Variants in RANBP17 observed in about 807,000 individuals in gnomAD.
The protein encoded by RANBP17 is ran-binding protein 17.
RANBP17 carries 158 observed loss-of-function variants against 141.2 expected under a neutral mutation model. The observed-to-expected ratio is 1.12, with a 90% CI of 0.98 to 1.28. The LOEUF is 1.28. Ranked by LOEUF, RANBP17 falls within the 50% of genes most tolerant of loss-of-function variation. RANBP17 has a pLI of 0.00. For missense variants in RANBP17, 1,438 were observed against 1,290.7 expected (o/e 1.11, Z -1.75); for synonymous variants, 430 against 450.0 (o/e 0.96, Z 0.56).
chr5:171,191,006 A>C (rs747077140), intron 18 of RANBP17, among the ~76,000 whole-genome samples: 8 of 152,208 alleles, frequency 5.3e-5, no homozygotes, highest in Non-Finnish European at 1.0e-4. Context: ...AACTCTAAGA[A>C]ACAGTCATAT....
chr5:171,208,352 G>A (rs1762692049), intron 20 of RANBP17, among the ~76,000 whole-genome samples: 1 of 152,138 alleles, frequency 6.6e-6, no homozygotes, highest in South Asian at 2.1e-4. Context: ...CTTGATAAAT[G>A]GTTTCCAGGG....
chr5:171,035,960 C>T (rs778584875), intron 14 of RANBP17, among the ~76,000 whole-genome samples: 11 of 151,900 alleles, frequency 7.2e-5, no homozygotes, highest in Non-Finnish European at 1.5e-4. Flanking sequence ...GTGTTGTGAT[C>T]TCAGCTTACT....
chr5:171,196,646 A>C (rs1761997669), intron 18 of RANBP17, among the ~76,000 whole-genome samples: 1 of 152,062 alleles, frequency 6.6e-6, no homozygotes, highest in South Asian at 2.1e-4. Context: ...GGATGGGGCG[A>C]GGGGGTGGTT....
At chr5:170,988,263 C>T (rs187305746) in intron 14 of RANBP17, among the ~76,000 whole-genome samples, 6 of 149,500 alleles carry the variant, frequency 4.0e-5, no homozygotes, top group African/African-American at 1.2e-4. Context: ...GGATTGTTCT[C>T]GAGTAATTAT....
rs181000044 is a variant in RANBP17, at chr5:171,299,130, G to A, written c.*272G>A. ...TGTTCTCCTAATGCTCTGAAAGGATGTAGAAACAATATTTAACCAAAGAAC... is the reference window on the plus strand; with the variant it reads ...TGTTCTCCTAATGCTCTGAAAGGATATAGAAACAATATTTAACCAAAGAAC... On this transcript the variant is annotated 3_prime_UTR_variant, in exon 28 of 28. Transcript: ENST00000523189. The A allele has an allele frequency of 8.9e-6, 3 of 338,482 alleles. No homozygotes were observed. The Admixed American group carries it at 1.3e-4, about 15-fold the overall frequency. The allele number at this position is 338,482 out of a possible 1,614,324, so 21.0% of individuals were successfully genotyped here.
chr5:170,866,032 G>A (rs1767229260), intron 1 of RANBP17, among the ~76,000 whole-genome samples: 1 of 152,136 alleles, frequency 6.6e-6, no homozygotes, highest in African/African-American at 2.4e-5. Flanking sequence ...TGGGGCTTCA[G>A]TTCTTAGGTA....
At chr5:171,186,306 A>C (rs1241130692) in intron 18 of RANBP17, among the ~76,000 whole-genome samples, 1 of 152,152 alleles carries the variant, frequency 6.6e-6, no homozygotes, top group East Asian at 1.9e-4. Context: ...CTAGATCTTC[A>C]GTATAACTCA....
At chr5:171,100,452 T>A (rs1188097070) in intron 14 of RANBP17, among the ~76,000 whole-genome samples, 1 of 152,200 alleles carries the variant, frequency 6.6e-6, no homozygotes, top group African/African-American at 2.4e-5. Flanking sequence ...TGATATCCCC[T>A]TTATCATTTT....
intron 14 of RANBP17, among the ~76,000 whole-genome samples, chr5:171,082,386 G>A (rs927962408): frequency 1.3e-5 from 2 of 152,136 alleles, no homozygotes; most frequent in Non-Finnish European, 1.5e-5. Context: ...TGATCAGTTC[G>A]AATAGGTAAT....
In RANBP17 at chr5:170,914,153, AT is replaced by A. The variant is rs747785311; in HGVS notation, c.761-6del. ...TTGAAAGTAATGGTGTTAGAAAATA[AT>A]TTTTTTTCCCAGTTTTCCTGGAACC... On this transcript the variant is annotated splice_polypyrimidine_tract_variant and intron_variant, in intron 7 of 27. Coordinates refer to ENST00000523189, the MANE Select transcript of RANBP17 (RefSeq NM_022897.5). 31 of 1,554,726 alleles carry A rather than the reference AT, an allele frequency of 2.0e-5. No homozygotes were observed. Among genetic ancestry groups the A allele is most frequent in the Non-Finnish European group, 2.5e-5 (28 of 1,127,766 alleles).
intron 14 of RANBP17, among the ~76,000 whole-genome samples, chr5:171,067,817 CTTTT>C (rs1362957441): frequency 1.3e-5 from 2 of 151,968 alleles, no homozygotes; most frequent in Admixed American, 1.3e-4. Flanking sequence ...TGAAGATTTT[CTTTT>C]TATTTCAGCA....
At chr5:171,277,149 A>G (rs1767539064) in intron 25 of RANBP17, among the ~76,000 whole-genome samples, 1 of 152,016 alleles carries the variant, frequency 6.6e-6, no homozygotes, top group Admixed American at 6.6e-5. Flanking sequence ...CATAACACAG[A>G]TAGCAGCATT....
intron 22 of RANBP17, among the ~76,000 whole-genome samples, chr5:171,231,387 T>A (rs982822102): frequency 3.9e-5 from 6 of 152,136 alleles, no homozygotes; most frequent in African/African-American, 1.2e-4. Context: ...AGTATACCAG[T>A]TCTTGGGAAT....
intron 14 of RANBP17, among the ~76,000 whole-genome samples, chr5:171,088,929 T>A (rs1785940632): frequency 6.6e-6 from 1 of 151,842 alleles, no homozygotes; most frequent in African/African-American, 2.4e-5. Flanking sequence ...TAGCTCAGAG[T>A]AATTTGATCG....
chr5:171,261,160 A>C (rs1766306591), intron 24 of RANBP17, among the ~76,000 whole-genome samples: 1 of 142,750 alleles, frequency 7.0e-6, no homozygotes, highest in South Asian at 2.4e-4. Flanking sequence ...TAATGGATTG[A>C]AACAGCCAGG....
intron 14 of RANBP17, among the ~76,000 whole-genome samples, chr5:171,154,817 G>T (rs148113937): frequency 0.055 from 8,376 of 151,888 alleles, 281 homozygotes; most frequent in East Asian, 0.12. Context: ...GCTCACGCCT[G>T]TAATCCCTAC....
At chr5:171,039,244 GGTT>G (rs755626211) in intron 14 of RANBP17, among the ~76,000 whole-genome samples, 18 of 90,216 alleles carry the variant, frequency 2.0e-4, no homozygotes, top group Non-Finnish European at 2.0e-4. Flanking sequence ...TTCTGTTGTT[GGTT>G]TTTTTTTTTT....
At chr5:171,268,149 G>A (rs1047860030) in intron 25 of RANBP17, among the ~76,000 whole-genome samples, 8 of 152,254 alleles carry the variant, frequency 5.3e-5, no homozygotes, top group Non-Finnish European at 8.8e-5. Context: ...TAAGATTCAC[G>A]AGATATAATT....
At position 171,293,952 on chromosome 5, in the gene RANBP17, C is replaced by G; in HGVS notation, c.3013C>G (p.Leu1005Val). ...GAACCAGTGGTCAGTATCCAGGCCTCTCCTGGGGCTCATCCTGCTCAATGA... is the reference window on the plus strand; with the variant it reads ...GAACCAGTGGTCAGTATCCAGGCCTGTCCTGGGGCTCATCCTGCTCAATGA... Reference protein sequence around the residue: ...CRNQWSVSRPLLGLILLNEKY... With the variant: ...CRNQWSVSRPVLGLILLNEKY... The change falls in exon 26 of 28, where the codon CTC (leucine) becomes GTC (valine). Residue 1005 changes from leucine (L) to valine (V), a missense_variant. By Grantham distance (32) the Leu-to-Val change is conservative. Transcript: ENST00000523189. 1 of 1,613,662 alleles carries G rather than the reference C, an allele frequency of 6.2e-7. No homozygotes were observed. Among genetic ancestry groups the G allele is most frequent in the Non-Finnish European group, 8.5e-7 (1 of 1,179,612 alleles).
Sources: allele counts gnomAD v4.1 joint callset (sites outside exome capture counted in the v4.1 genomes callset), GRCh38; gene constraint gnomAD v4.1.1; transcripts MANE v1.5; gene names NCBI Gene and HGNC (gene_info 2026-07-23, HGNC 2026-07-21).